STRN3: variants seen among roughly 807,000 people sequenced by gnomAD.
The protein encoded by STRN3 is striatin 3.
STRN3 carries 29 observed loss-of-function variants against 95.6 expected under a neutral mutation model. That is an observed-to-expected ratio of 0.30 (90% CI 0.23 to 0.41). STRN3 has a LOEUF of 0.41. Ranked by LOEUF, STRN3 falls within the 10% of genes least tolerant of loss-of-function variation. The pLI, the probability that STRN3 is intolerant of heterozygous loss-of-function variation, is 1.00. For synonymous variants in STRN3, 331 were observed against 357.6 expected (o/e 0.93, Z 0.84); for missense variants, 890 against 972.1 (o/e 0.92, Z 1.12).
intron 1 of STRN3, among the ~76,000 whole-genome samples, chr14:30,980,620 C>T (rs1374999517): frequency 6.6e-6 from 1 of 151,978 alleles, no homozygotes; most frequent in Non-Finnish European, 1.5e-5. Flanking sequence ...ATTGGCTGGG[C>T]TCAAACTCCT....
At chr14:30,926,673 T>A (rs1224904878) in intron 8 of STRN3, among the ~76,000 whole-genome samples, 1 of 152,056 alleles carries the variant, frequency 6.6e-6, no homozygotes, top group Non-Finnish European at 1.5e-5. Flanking sequence ...AACAAGCATG[T>A]GTTATTTTTA....
At chr14:31,020,897 C>A (rs531533306) in intron 1 of STRN3, among the ~76,000 whole-genome samples, 8 of 151,670 alleles carry the variant, frequency 5.3e-5, no homozygotes, top group Admixed American at 5.3e-4. Context: ...CAGAGTAGGA[C>A]GCTCTCTTGA....
chr14:30,929,105 A>G (rs547913389), intron 8 of STRN3, 96 bp downstream of exon 8: 3 of 1,049,104 alleles, frequency 2.9e-6, no homozygotes, highest in Non-Finnish European at 4.1e-6. Context: ...CCCCTTTATG[A>G]AACAAAAAAT....
At chr14:30,972,560 T>TA (rs1880888179) in intron 1 of STRN3, among the ~76,000 whole-genome samples, 1 of 151,940 alleles carries the variant, frequency 6.6e-6, no homozygotes, top group African/African-American at 2.4e-5. Flanking sequence ...GGAAACTTTA[T>TA]AACACTGAGA....
chr14:30,918,290 T>A (rs1896790380), intron 9 of STRN3, among the ~76,000 whole-genome samples: 1 of 152,134 alleles, frequency 6.6e-6, no homozygotes, highest in African/African-American at 2.4e-5. Context: ...GCAGATCACT[T>A]GAGGTCAGGA....
chr14:31,000,161 G>C (rs774650990), intron 1 of STRN3, among the ~76,000 whole-genome samples: 14 of 143,858 alleles, frequency 9.7e-5, no homozygotes, highest in Non-Finnish European at 1.9e-4. Context: ...AAACACACCA[G>C]AGAGTAATTC....
intron 1 of STRN3, among the ~76,000 whole-genome samples, chr14:31,001,861 C>A (rs71417939): frequency 6.6e-6 from 1 of 151,722 alleles, no homozygotes; most frequent in African/African-American, 2.4e-5. Context: ...AAAACCCCGT[C>A]TCTGCTAAAA....
At chr14:30,931,740 T>C (rs1381933063) in intron 7 of STRN3, among the ~76,000 whole-genome samples, 1 of 152,218 alleles carries the variant, frequency 6.6e-6, no homozygotes, top group Non-Finnish European at 1.5e-5. Flanking sequence ...TAAAAATAAC[T>C]AATATTAAAC....
chr14:30,929,275 T>C lies in STRN3; in HGVS notation c.1025A>G (p.Asp342Gly), dbSNP rs1878357474. ...DDLSPTAEVW[D>G]VDQGLISKLK... ...TTTACTTATTAGTCCCTGGTCTACA[T>C]CCCAAACCTCAGCAGTTGGGGAGAG... Residue 342 changes from aspartate (D) to glycine (G), a missense_variant, in exon 8 of 18, where the codon GAT (aspartate) becomes GGT (glycine). This residue lies in a region of STRN3 where 526 missense variants were observed against 526.3 expected (regional missense o/e 1.00). Transcript: ENST00000357479. 6.2e-7 allele frequency: 1 copy of C among 1,613,544 alleles called. No individual in the cohort carries two copies.
At chr14:30,911,226 T>G (rs1032623836) in intron 12 of STRN3, 64 bp from the exon 13 acceptor site, 10 of 1,520,870 alleles carry the variant, frequency 6.6e-6, no homozygotes, top group Middle Eastern at 2.2e-4. Flanking sequence ...CAAATCTCCA[T>G]TCCCCCAACC....
At chr14:30,944,150 G>A (rs1357149913) in intron 5 of STRN3, among the ~76,000 whole-genome samples, 2 of 151,914 alleles carry the variant, frequency 1.3e-5, no homozygotes, top group East Asian at 3.9e-4. Flanking sequence ...AGAGTGAGGG[G>A]GAAAAAAACG....
At chr14:30,928,395 C>A (rs1388937745) in intron 8 of STRN3, among the ~76,000 whole-genome samples, 1 of 144,144 alleles carries the variant, frequency 6.9e-6, no homozygotes, top group East Asian at 1.9e-4. Context: ...AAATGTTAGA[C>A]AAGCAGGGGT....
At chr14:30,992,565 TAAAAAAA>T (rs58987293) in intron 1 of STRN3, among the ~76,000 whole-genome samples, 1 of 94,068 alleles carries the variant, frequency 1.1e-5, no homozygotes, top group Admixed American at 1.3e-4. Context: ...CCTGTCTCTT[TAAAAAAA>T]AAAAAAAAAA....
At chr14:31,000,864 A>C (rs1371782801) in intron 1 of STRN3, among the ~76,000 whole-genome samples, 1 of 151,996 alleles carries the variant, frequency 6.6e-6, no homozygotes, top group Non-Finnish European at 1.5e-5. Flanking sequence ...CAATAGGTAG[A>C]GATAAGCCTT....
At chr14:30,985,480 T>C (rs1881641883) in intron 1 of STRN3, among the ~76,000 whole-genome samples, 1 of 152,080 alleles carries the variant, frequency 6.6e-6, no homozygotes, top group Admixed American at 6.5e-5. Flanking sequence ...GGCGCATGCC[T>C]GTAGTTCCAG....
At chr14:30,925,570 A>T (rs1208631185) in intron 8 of STRN3, among the ~76,000 whole-genome samples, 1 of 152,230 alleles carries the variant, frequency 6.6e-6, no homozygotes, top group East Asian at 1.9e-4. Context: ...CAAGGTTGGT[A>T]AATGTATACA....
chr14:31,026,015 C>A lies in STRN3; in HGVS notation c.171G>T (p.Leu57=), dbSNP rs1883872677. 22 of 1,546,018 alleles carry A rather than the reference C, an allele frequency of 1.4e-5. No individual in the cohort carries two copies. The highest frequency in any genetic ancestry group is 1.9e-5 in the Non-Finnish European group (22 of 1,145,136). ...EGAGPAAGPE[L]SRPQQYTIPG... is the part of the protein sequence containing the mutation. ...GGATAGTGTACTGCTGCGGCCGGGA[C>A]AGCTCGGGGCCTGCCGCGGGACCCG... The change falls in exon 1 of 18, where the codon CTG becomes CTT. Residue 57 remains leucine, a synonymous_variant. Transcript: ENST00000357479.
intron 1 of STRN3, among the ~76,000 whole-genome samples, chr14:30,992,284 G>A (rs906444893): frequency 2.6e-5 from 4 of 151,642 alleles, no homozygotes; most frequent in African/African-American, 7.3e-5. Context: ...GGTGGCGGGC[G>A]CCTATAATCC....
chr14:30,910,524 T>C (rs1896579955), intron 13 of STRN3, among the ~76,000 whole-genome samples: 1 of 152,042 alleles, frequency 6.6e-6, no homozygotes, highest in Non-Finnish European at 1.5e-5. Flanking sequence ...GGTGTTTCTG[T>C]AGAACAGATT....
Sources: allele counts gnomAD v4.1 joint callset (sites outside exome capture counted in the v4.1 genomes callset), GRCh38; gene constraint gnomAD v4.1.1; regional missense constraint gnomAD v4.1.1; transcripts MANE v1.5; gene names NCBI Gene and HGNC (gene_info 2026-07-23, HGNC 2026-07-21).